The following PVT1 variants were observed in gnomAD, a reference collection of about 807,000 sequenced individuals.
PVT1 encodes CXCR4/PVT1 fusion.
At chr8:128,068,582 C>T (rs1813941641) in intron 4 of PVT1, among the ~76,000 whole-genome samples, 1 of 152,098 alleles carries the variant, frequency 6.6e-6, no homozygotes, top group Non-Finnish European at 1.5e-5. Flanking sequence ...CTGCAATCTC[C>T]GACTTCCTGG....
chr8:127,840,854 G>C (rs142103690), intron 2 of PVT1, among the ~76,000 whole-genome samples: 391 of 152,374 alleles, frequency 2.6e-3, no homozygotes, highest in African/African-American at 9.0e-3. Flanking sequence ...TAATGAGCTG[G>C]TTCTCTTAGG....
intron 2 of PVT1, among the ~76,000 whole-genome samples, chr8:127,850,337 T>A (rs543407629): frequency 6.6e-6 from 1 of 152,296 alleles, no homozygotes; most frequent in Admixed American, 6.5e-5. Context: ...AGATTTGTAA[T>A]CTCTGTGGCT....
chr8:128,013,348 G>T (rs899197082), intron 4 of PVT1, among the ~76,000 whole-genome samples: 4 of 151,730 alleles, frequency 2.6e-5, no homozygotes, highest in African/African-American at 9.7e-5. Context: ...ATAGCTGCAT[G>T]TGTGTGAGTG....
chr8:127,946,323 G>C (rs1287500406), intron 3 of PVT1, among the ~76,000 whole-genome samples: 1 of 152,240 alleles, frequency 6.6e-6, no homozygotes, highest in African/African-American at 2.4e-5. Context: ...CTTGTGGGCT[G>C]TATAGTCTAG....
At chr8:127,912,641 C>T (rs995270907) in intron 3 of PVT1, among the ~76,000 whole-genome samples, 5 of 151,942 alleles carry the variant, frequency 3.3e-5, no homozygotes, top group South Asian at 2.1e-4. Context: ...TGGTGACATT[C>T]GCATTGAACA....
At chr8:127,895,552 A>G (rs964880267) in intron 3 of PVT1, among the ~76,000 whole-genome samples, 5 of 152,206 alleles carry the variant, frequency 3.3e-5, no homozygotes, top group African/African-American at 1.2e-4. Flanking sequence ...AGAACATATT[A>G]AAAGGTTTCA....
In PVT1 at chr8:128,011,185, C is replaced by G. The variant is rs183082800; in HGVS notation, n.912+21894C>G. ...ATCAAATTGATTTCCTCAGCATATA[C>G]GAGTCATGTTTTGTAAGCATGGTGG... is the stretch of plus-strand genomic sequence containing the variant. On this transcript the variant is annotated intron_variant and non_coding_transcript_variant, in intron 4 of 10. Coordinates refer to ENST00000651587, the Ensembl canonical transcript of PVT1. Among the ~76,000 whole-genome samples the G allele has an allele frequency of 7.2e-5, 11 of 152,218 alleles. No individual in the cohort carries two copies. The East Asian group carries it at 1.9e-3, about 27-fold the overall frequency.
intron 5 of PVT1, among the ~76,000 whole-genome samples, chr8:128,088,099 C>T (rs1010032729): frequency 6.6e-6 from 1 of 152,038 alleles, no homozygotes; most frequent in African/African-American, 2.4e-5. Context: ...CAGTTAAATT[C>T]CCCAAACAAA....
intron 5 of PVT1, among the ~76,000 whole-genome samples, chr8:128,076,097 G>A (rs189422025): frequency 6.6e-6 from 1 of 152,344 alleles, no homozygotes; most frequent in East Asian, 1.9e-4. Flanking sequence ...TGGATAGTGA[G>A]TGATGCTGAC....
chr8:127,799,544 T>C (rs1453378524), intron 2 of PVT1, among the ~76,000 whole-genome samples: 2 of 152,218 alleles, frequency 1.3e-5, no homozygotes, highest in Non-Finnish European at 2.9e-5. Flanking sequence ...AGGGAAAGTA[T>C]GCTGATGAAA....
chr8:127,825,187 TTGG>T (rs1380049580), intron 2 of PVT1, among the ~76,000 whole-genome samples: 8 of 151,816 alleles, frequency 5.3e-5, no homozygotes, highest in Non-Finnish European at 1.2e-4. Context: ...GATGAGTGTT[TTGG>T]TGTATATGTC....
intron 4 of PVT1, among the ~76,000 whole-genome samples, chr8:128,006,674 A>G (rs1563664013): frequency 6.6e-6 from 1 of 152,174 alleles, no homozygotes; most frequent in Non-Finnish European, 1.5e-5. Context: ...TTACTCCTAC[A>G]TTTGTCAATT....
At chr8:128,013,386 G>GT (rs11403934) in intron 4 of PVT1, among the ~76,000 whole-genome samples, 87,386 of 151,118 alleles carry the variant, frequency 0.58, 25,585 homozygotes, top group East Asian at 0.68. Flanking sequence ...TATTTTTCCT[G>GT]TTTTTTTTTC....
chr8:127,868,051 A>T (rs745891956), intron 2 of PVT1, among the ~76,000 whole-genome samples: 1 of 152,144 alleles, frequency 6.6e-6, no homozygotes, highest in African/African-American at 2.4e-5. Flanking sequence ...TCTTTTTCTT[A>T]TTATGAAATA....
At chr8:128,013,450 A>G (rs779374655) in intron 4 of PVT1, among the ~76,000 whole-genome samples, 7 of 151,200 alleles carry the variant, frequency 4.6e-5, no homozygotes, top group African/African-American at 2.4e-5. Flanking sequence ...ATCACTTTCT[A>G]TTTCTATTAT....
chr8:127,878,918 G>A (rs921485939), intron 2 of PVT1, among the ~76,000 whole-genome samples: 3 of 152,192 alleles, frequency 2.0e-5, no homozygotes, highest in African/African-American at 7.2e-5. Context: ...GAGCCTAGGG[G>A]GAATGATATT....
At chr8:127,997,730 A>G (rs1817123348) in intron 4 of PVT1, among the ~76,000 whole-genome samples, 4 of 152,204 alleles carry the variant, frequency 2.6e-5, no homozygotes, top group Admixed American at 2.6e-4. Flanking sequence ...AGTGTGGCAC[A>G]TTTGCCACAA....
At chr8:127,969,446 C>A (rs1816739551) in intron 3 of PVT1, among the ~76,000 whole-genome samples, 1 of 152,188 alleles carries the variant, frequency 6.6e-6, no homozygotes, top group African/African-American at 2.4e-5. Context: ...CCTTTTGGAG[C>A]CCCTGCTGGC....
Position 127,959,061 on chromosome 8 carries a change from G to T in PVT1, n.783-30101G>T, listed in dbSNP as rs1027905467. ...AGCGGGGTGGGGTGGGGTGGGGTAGGTGGGCTCAGGCCTGCAGAGCTTCTG... is the reference window on the plus strand; with the variant it reads ...AGCGGGGTGGGGTGGGGTGGGGTAGTTGGGCTCAGGCCTGCAGAGCTTCTG... On this transcript the variant is annotated intron_variant and non_coding_transcript_variant, in intron 3 of 10. Transcript: ENST00000651587. 7.2e-5 allele frequency among the ~76,000 whole-genome samples: 11 copies of T among 152,122 alleles called. 1 individual carries two copies. Among genetic ancestry groups the T allele is most frequent in the African/African-American group, 2.7e-4 (11 of 41,422 alleles).
Sources: gnomAD v4.1 joint callset for allele counts (sites outside exome capture counted in the v4.1 genomes callset) on GRCh38, gnomAD v4.1.1 for gene constraint, MANE v1.5 for transcripts, NCBI Gene and HGNC (gene_info 2026-07-23, HGNC 2026-07-21) for gene names.